The following RNF150 variants were observed in gnomAD, a reference collection of about 807,000 sequenced individuals.
RNF150 encodes ring finger protein 150.
In RNF150, 24 loss-of-function variants were observed where a neutral mutation model predicts 39.3. The ratio of observed to expected loss-of-function variants is 0.61; its 90% confidence interval spans 0.44 to 0.86. The LOEUF (loss-of-function observed/expected upper bound fraction) is 0.86, where lower values mean the gene tolerates loss of function less well. Among genes scored for constraint, RNF150 ranks in the 40% least tolerant of loss-of-function variants. The pLI is 0.00. For missense variants in RNF150, 502 were observed against 587.8 expected (o/e 0.85, Z 1.51); for synonymous variants, 255 against 227.3 (o/e 1.12, Z -1.10).
At chr4:140,905,510 C>A (rs907718127) in intron 6 of RNF150, among the ~76,000 whole-genome samples, 37 of 152,070 alleles carry the variant, frequency 2.4e-4, no homozygotes, top group African/African-American at 8.7e-4. Flanking sequence ...TAATTCTTGA[C>A]CCCATCACCC....
chr4:141,198,115 C>T (rs1463184157), intron 1 of RNF150, among the ~76,000 whole-genome samples: 3 of 150,974 alleles, frequency 2.0e-5, no homozygotes, highest in African/African-American at 7.3e-5. Flanking sequence ...CAACCTCCGC[C>T]TCCTGGTTCA....
At chr4:140,899,974 C>CTCTCTCTCTGTGTGTGTG (rs1365683071) in intron 6 of RNF150, among the ~76,000 whole-genome samples, 9 of 69,164 alleles carry the variant, frequency 1.3e-4, no homozygotes, top group African/African-American at 3.9e-4. Context: ...CTCTCTCTCT[C>CTCTCTCTCTGTGTGTGTG]TGTGTGTGTG....
intron 1 of RNF150, among the ~76,000 whole-genome samples, chr4:141,070,933 G>GT (rs1560721421): frequency 7.1e-6 from 1 of 140,708 alleles, no homozygotes; most frequent in East Asian, 2.0e-4. Flanking sequence ...TCATGCACAC[G>GT]TATATTTATT....
At chr4:141,013,225 C>T (rs1016659666) in intron 1 of RNF150, among the ~76,000 whole-genome samples, 2 of 151,986 alleles carry the variant, frequency 1.3e-5, no homozygotes, top group African/African-American at 2.4e-5. Context: ...TGTGATGGCT[C>T]GGATGGACAG....
intron 1 of RNF150, among the ~76,000 whole-genome samples, chr4:140,975,902 A>G (rs1191503635): frequency 6.6e-6 from 1 of 152,144 alleles, no homozygotes; most frequent in South Asian, 2.1e-4. Flanking sequence ...CTTCTATGTC[A>G]TGAGTTCTCA....
chr4:141,208,362 A>AG lies in RNF150; in HGVS notation c.-6+4431dup, dbSNP rs552046157. Among the ~76,000 whole-genome samples, 275 of 152,302 alleles carry AG rather than the reference A, an allele frequency of 1.8e-3. 4 individuals carry two copies. Among genetic ancestry groups the AG allele is most frequent in the African/African-American group, 6.4e-3 (264 of 41,562 alleles). The stretch of plus-strand genomic sequence containing the variant: ...ATACCCATAGGCAGAAAATTAAGCA[A>AG]GGAAAAAAAAAGGCAAGAAAAGAAA... On this transcript the variant is annotated intron_variant, in intron 1 of 7. Transcript: ENST00000420921.
At chr4:141,116,907 C>T (rs1490310240) in intron 1 of RNF150, among the ~76,000 whole-genome samples, 2 of 151,962 alleles carry the variant, frequency 1.3e-5, no homozygotes, top group Non-Finnish European at 1.5e-5. Context: ...AACCAAACAT[C>T]GCATGTTCTT....
intron 6 of RNF150, among the ~76,000 whole-genome samples, chr4:140,903,747 A>T (rs1329634534): frequency 6.6e-6 from 1 of 152,230 alleles, no homozygotes; most frequent in Non-Finnish European, 1.5e-5. Context: ...CCCAGCAATG[A>T]ATGAATGGAT....
chr4:140,945,772 G>A (rs1330134757), intron 4 of RNF150, among the ~76,000 whole-genome samples: 1 of 151,610 alleles, frequency 6.6e-6, no homozygotes, highest in Non-Finnish European at 1.5e-5. Flanking sequence ...ATTTGTAAAT[G>A]TCTTTGGATT....
chr4:141,120,781 T>C (rs1726582379), intron 1 of RNF150, among the ~76,000 whole-genome samples: 1 of 152,108 alleles, frequency 6.6e-6, no homozygotes, highest in Admixed American at 6.5e-5. Context: ...AAGAGGGCCC[T>C]GAGGACAATG....
chr4:141,021,694 C>T (rs1735497366), intron 1 of RNF150, among the ~76,000 whole-genome samples: 1 of 152,118 alleles, frequency 6.6e-6, no homozygotes, highest in African/African-American at 2.4e-5. Flanking sequence ...TTTCCATTTC[C>T]AAATGCTTTA....
chr4:141,173,026 T>C (rs1180010806), intron 1 of RNF150, among the ~76,000 whole-genome samples: 1 of 149,894 alleles, frequency 6.7e-6, no homozygotes, highest in African/African-American at 2.5e-5. Flanking sequence ...AACTCCGTCT[T>C]AAAAAAAGAA....
At chr4:141,076,246 T>C (rs899991577) in intron 1 of RNF150, among the ~76,000 whole-genome samples, 1 of 152,238 alleles carries the variant, frequency 6.6e-6, no homozygotes, top group Admixed American at 6.5e-5. Flanking sequence ...ATTTGTCATT[T>C]GCTCCAAATT....
intron 1 of RNF150, among the ~76,000 whole-genome samples, chr4:141,018,144 T>C (rs980605381): frequency 2.0e-5 from 3 of 152,218 alleles, no homozygotes; most frequent in Non-Finnish European, 4.4e-5. Flanking sequence ...CAAGGCCACA[T>C]AGCGTGGAGG....
intron 1 of RNF150, among the ~76,000 whole-genome samples, chr4:140,986,288 T>A (rs1734012963): frequency 6.6e-6 from 1 of 151,992 alleles, no homozygotes; most frequent in African/African-American, 2.4e-5. Context: ...TACAAGGGGG[T>A]TACACAATCT....
At chr4:141,050,714 G>A (rs1210153617) in intron 1 of RNF150, among the ~76,000 whole-genome samples, 2 of 152,176 alleles carry the variant, frequency 1.3e-5, no homozygotes, top group African/African-American at 4.8e-5. Flanking sequence ...GGGCAGCTCC[G>A]CCCCTGTGGC....
intron 1 of RNF150, among the ~76,000 whole-genome samples, chr4:141,205,748 G>A (rs1728364113): frequency 6.6e-6 from 1 of 152,068 alleles, no homozygotes; most frequent in African/African-American, 2.4e-5. Context: ...GCTTCTAAGG[G>A]GCAATCCCAA....
rs544940600 is a variant in RNF150 at position 141,201,586 on chromosome 4, C to T, written c.-6+11208G>A. ...TTTTTCTCTCTGGATGTGCCACCTC[C>T]TCATTGTCTCCATGAAAAGGAGAGA... On this transcript the variant is annotated intron_variant, in intron 1 of 7. Coordinates refer to the RNF150 transcript ENST00000420921. 6.7e-4 allele frequency among the ~76,000 whole-genome samples: 101 copies of T among 151,866 alleles called. 1 individual carries two copies. The South Asian group carries it at 0.02, about 31-fold the overall frequency.
intron 1 of RNF150, among the ~76,000 whole-genome samples, chr4:141,068,110 T>C (rs1290708149): frequency 6.6e-6 from 1 of 152,098 alleles, no homozygotes; most frequent in Non-Finnish European, 1.5e-5. Flanking sequence ...CATGCCCAGC[T>C]AATTTTGGTA....
Sources: allele counts gnomAD v4.1 joint callset (sites outside exome capture counted in the v4.1 genomes callset), GRCh38; gene constraint gnomAD v4.1.1; transcripts MANE v1.5; gene names NCBI Gene and HGNC (gene_info 2026-07-23, HGNC 2026-07-21).